PSEN1: variants seen among roughly 807,000 people sequenced by gnomAD.
The protein encoded by PSEN1 is presenilin-1.
PSEN1 carries 15 observed loss-of-function variants against 53.5 expected under a neutral mutation model. The ratio of observed to expected loss-of-function variants is 0.28; its 90% CI spans 0.19 to 0.43. The LOEUF (loss-of-function observed/expected upper bound fraction) is 0.43, where lower values mean the gene tolerates loss of function less well. PSEN1 is among the 20% of genes least tolerant of loss of function. The pLI is 1.00. For missense variants in PSEN1, 387 were observed against 571.2 expected (o/e 0.68, Z 3.29); for synonymous variants, 208 against 209.8 (o/e 0.99, Z 0.08).
At chr14:73,208,519 A>G (rs546471309) in intron 9 of PSEN1, among the ~76,000 whole-genome samples, 30 of 151,784 alleles carry the variant, frequency 2.0e-4, no homozygotes, top group African/African-American at 6.8e-4. Flanking sequence ...GGTATCTCCT[A>G]TCCACAAGCA....
chr14:73,181,790 T>C (rs1219643963), intron 5 of PSEN1, among the ~76,000 whole-genome samples: 2 of 152,194 alleles, frequency 1.3e-5, no homozygotes, highest in Non-Finnish European at 2.9e-5. Context: ...GTATTTTTTT[T>C]TGAGACAATG....
In PSEN1 at chr14:73,219,199, C is replaced by T. The variant is rs1900049925; in HGVS notation, c.1314C>T (p.Ser438=). The part of the protein sequence containing the change: ...FKKALPALPI[S]ITFGLVFYFA... The stretch of plus-strand genomic sequence containing the variant: ...AAGCATTGCCAGCTCTTCCAATCTC[C>T]ATCACCTTTGGGCTTGTTTTCTACT... The change falls in exon 12 of 12, where the codon TCC becomes TCT. Residue 438 remains serine, a synonymous_variant. Transcript: ENST00000324501. The T allele has an allele frequency of 1.2e-6, 2 of 1,613,652 alleles. No individual in the cohort carries two copies. The highest frequency in any genetic ancestry group is 1.7e-6 in the Non-Finnish European group (2 of 1,179,624).
At chr14:73,173,965 C>T (rs543882851) in intron 5 of PSEN1, 14 of 599,572 alleles carry the variant, frequency 2.3e-5, no homozygotes, top group African/African-American at 9.3e-5. Flanking sequence ...GCTTGGGCAA[C>T]GTAGCAAGAC....
chr14:73,149,154 G>C (rs1231760244), intron 3 of PSEN1, among the ~76,000 whole-genome samples: 1 of 152,016 alleles, frequency 6.6e-6, no homozygotes, highest in East Asian at 1.9e-4. Flanking sequence ...AACAGTGGTG[G>C]AAGTTACCAG....
At chr14:73,152,913 C>T (rs1172075563) in intron 3 of PSEN1, among the ~76,000 whole-genome samples, 5 of 152,034 alleles carry the variant, frequency 3.3e-5, no homozygotes, top group East Asian at 1.9e-4. Flanking sequence ...TGTGGTGGTG[C>T]GCCCTTGTAA....
intron 6 of PSEN1, among the ~76,000 whole-genome samples, chr14:73,188,538 A>G (rs1428449678): frequency 1.3e-5 from 2 of 152,156 alleles, no homozygotes; most frequent in African/African-American, 2.4e-5. Flanking sequence ...TTCTAGCTGC[A>G]TGGGAGACTA....
At chr14:73,181,964 G>A (rs752439716) in intron 5 of PSEN1, among the ~76,000 whole-genome samples, 52 of 152,034 alleles carry the variant, frequency 3.4e-4, no homozygotes, top group Non-Finnish European at 5.0e-4. Context: ...AGTAGAGACG[G>A]GGTTTTGGCA....
intron 10 of PSEN1, among the ~76,000 whole-genome samples, 187 bp from the exon 11 acceptor site, chr14:73,216,939 T>C (rs912046475): frequency 1.3e-5 from 2 of 152,094 alleles, no homozygotes; most frequent in African/African-American, 2.4e-5. Context: ...GTCAGTCACA[T>C]AGAATCTGGA....
intron 10 of PSEN1, among the ~76,000 whole-genome samples, chr14:73,215,228 T>C (rs1002969742): frequency 4.6e-5 from 7 of 151,488 alleles, no homozygotes; most frequent in Admixed American, 3.9e-4. Context: ...CCCAGAGTGC[T>C]GGGATTACAG....
intron 1 of PSEN1, among the ~76,000 whole-genome samples, chr14:73,146,574 T>C (rs908814906): frequency 2.0e-5 from 3 of 152,204 alleles, no homozygotes; most frequent in Admixed American, 6.5e-5. Flanking sequence ...TAAAGTGGAA[T>C]GTCACCTTGG....
At chr14:73,206,592 A>G (rs1899465449) in intron 9 of PSEN1, 120 bp downstream of exon 9, 1 of 735,406 alleles carries the variant, frequency 1.4e-6, no homozygotes, top group East Asian at 2.7e-5. Context: ...TCTCTTGAGA[A>G]CTATGATAAT....
chr14:73,218,768 C>T (rs1362467799), intron 11 of PSEN1, among the ~76,000 whole-genome samples: 1 of 151,136 alleles, frequency 6.6e-6, no homozygotes, highest in Non-Finnish European at 1.5e-5. Context: ...ATAGAGAATG[C>T]TCTTCACCTC....
At chr14:73,150,748 G>A in intron 3 of PSEN1, among the ~76,000 whole-genome samples, 1 of 104,804 alleles carries the variant, frequency 9.5e-6, no homozygotes. Flanking sequence ...TTGGGCAACA[G>A]AGTAAGACTC....
rs1024364529 is a variant in PSEN1 at position 73,222,529 on chromosome 14, G to T, written c.*3240G>T. The T allele has an allele frequency of 4.6e-5, 7 of 152,118 alleles. No individual in the cohort carries two copies. The highest frequency in any genetic ancestry group is 7.4e-5 in the Non-Finnish European group (5 of 68,024). 9.4% of individuals were successfully genotyped at this position (152,118 alleles called of 1,614,324 possible). ...CCAACCCCCAAGGCTTTGTATATTT[G>T]ATCATTTGTGATCTAACCCTGGAAG... On this transcript the variant is annotated 3_prime_UTR_variant, in exon 12 of 12. Transcript: ENST00000324501.
At chr14:73,164,738 G>A (rs947344961) in intron 3 of PSEN1, among the ~76,000 whole-genome samples, 1 of 152,174 alleles carries the variant, frequency 6.6e-6, no homozygotes, top group Non-Finnish European at 1.5e-5. Context: ...ACATAAGTTA[G>A]AGACTTTTAA....
chr14:73,186,271 T>TG (rs558906462), intron 5 of PSEN1, among the ~76,000 whole-genome samples: 347 of 151,848 alleles, frequency 2.3e-3, no homozygotes, highest in Non-Finnish European at 4.1e-3. Context: ...CCCAGCTACT[T>TG]GGGGGGCTGA....
At chr14:73,173,896 T>A in intron 5 of PSEN1, 189 bp downstream of exon 5, 1 of 728,766 alleles carries the variant, frequency 1.4e-6, no homozygotes, top group Non-Finnish European at 2.4e-6. Flanking sequence ...GGTGCATGTG[T>A]AATGCCAGGC....
intron 7 of PSEN1, among the ~76,000 whole-genome samples, chr14:73,194,021 C>T (rs572337768): frequency 6.6e-6 from 1 of 152,228 alleles, no homozygotes; most frequent in African/African-American, 2.4e-5. Context: ...TAGAATTATT[C>T]TTTTAAAAAT....
intron 5 of PSEN1, among the ~76,000 whole-genome samples, chr14:73,180,229 C>T (rs1450258373): frequency 2.0e-5 from 3 of 152,178 alleles, no homozygotes; most frequent in African/African-American, 7.2e-5. Flanking sequence ...AGGTGATCCA[C>T]TGGTTTCGGC....
Sources: allele counts gnomAD v4.1 joint callset (sites outside exome capture counted in the v4.1 genomes callset), GRCh38; gene constraint gnomAD v4.1.1; transcripts MANE v1.5; gene names NCBI Gene and HGNC (gene_info 2026-07-23, HGNC 2026-07-21).